The following NRG3 variants were observed in gnomAD, a reference collection of about 807,000 sequenced individuals.
NRG3 encodes the protein neuregulin 3.
A neutral mutation model predicts 66.9 loss-of-function variants in NRG3; 31 were observed. The ratio of observed to expected loss-of-function variants is 0.46; its 90% CI spans 0.35 to 0.63. NRG3 has a LOEUF of 0.63. Among genes scored for constraint, NRG3 ranks in the 20% least tolerant of loss-of-function variants. The probability of loss-of-function intolerance (pLI) is 0.00; values close to 1 mark genes in which losing one functional copy is unlikely to be tolerated. For synonymous variants in NRG3, 393 were observed against 359.4 expected (o/e 1.09, Z -1.06); for missense variants, 910 against 878.9 (o/e 1.04, Z -0.45).
chr10:82,153,084 C>T (rs913632074), intron 1 of NRG3, among the ~76,000 whole-genome samples: 7 of 152,132 alleles, frequency 4.6e-5, no homozygotes, highest in African/African-American at 9.6e-5. Context: ...TTAAAATCTA[C>T]TCTTTTAGCA....
chr10:82,878,216 C>A (rs1842004903), intron 4 of NRG3, among the ~76,000 whole-genome samples: 1 of 152,180 alleles, frequency 6.6e-6, no homozygotes, highest in Admixed American at 6.5e-5. Flanking sequence ...AGTCCCAGAA[C>A]TGGACAAACT....
At chr10:82,558,608 T>TA (rs59331243) in intron 2 of NRG3, among the ~76,000 whole-genome samples, 19,577 of 152,150 alleles carry the variant, frequency 0.13, 1,416 homozygotes, top group Admixed American at 0.21. Context: ...AAGAATGGGA[T>TA]AAACTATCTG....
chr10:82,139,227 A>G (rs2069590738), intron 1 of NRG3, among the ~76,000 whole-genome samples: 1 of 152,128 alleles, frequency 6.6e-6, no homozygotes, highest in South Asian at 2.1e-4. Flanking sequence ...TTTCTCATTG[A>G]GCAAAATGGT....
intron 1 of NRG3, among the ~76,000 whole-genome samples, chr10:81,916,885 G>T (rs1430544780): frequency 1.3e-5 from 2 of 152,164 alleles, no homozygotes; most frequent in African/African-American, 4.8e-5. Flanking sequence ...TACAAAAAAT[G>T]TCATGAAATA....
intron 2 of NRG3, among the ~76,000 whole-genome samples, chr10:82,542,067 T>A (rs984050284): frequency 4.0e-4 from 61 of 152,212 alleles, no homozygotes; most frequent in Non-Finnish European, 7.4e-4. Context: ...ATGCTCTCCC[T>A]CCCCTTTCCC....
At chr10:82,133,114 G>T (rs1195379604) in intron 1 of NRG3, among the ~76,000 whole-genome samples, 1 of 151,218 alleles carries the variant, frequency 6.6e-6, no homozygotes, top group Non-Finnish European at 1.5e-5. Context: ...GATTTTGTTT[G>T]TTCTTGCTTT....
At position 82,442,784 on chromosome 10, in the gene NRG3, A is replaced by ATTTTTTTTTTTTTTTT. The variant is rs61261285; in HGVS notation, c.953+83932_953+83947dup. Among the ~76,000 whole-genome samples, 124 of 54,274 alleles carry ATTTTTTTTTTTTTTTT rather than the reference A, an allele frequency of 2.3e-3. 20 individuals are homozygous for ATTTTTTTTTTTTTTTT. The highest frequency in any genetic ancestry group is 7.6e-3 in the African/African-American group (84 of 11,008). The allele number at this position is 54,274 out of a possible 152,430, so 35.6% of individuals were successfully genotyped here. A position where few individuals can be genotyped will look rare whatever the true frequency, so the allele number is the denominator to read the frequency against. On this transcript the variant is annotated intron_variant, in intron 2 of 8. Transcript: ENST00000372141. ...CACCAAAGATCTTATTTCTGTGTGG[A>ATTTTTTTTTTTTTTTT]TTTTTTTTTTTTTTTTTTTTTTTTT...
At chr10:81,944,381 A>C (rs891772523) in intron 1 of NRG3, among the ~76,000 whole-genome samples, 3 of 152,238 alleles carry the variant, frequency 2.0e-5, no homozygotes, top group Admixed American at 6.6e-5. Flanking sequence ...ATTGCATAAT[A>C]TGCAGTGTCT....
chr10:82,885,074 T>C (rs1274291497), intron 4 of NRG3, among the ~76,000 whole-genome samples: 1 of 152,198 alleles, frequency 6.6e-6, no homozygotes, highest in African/African-American at 2.4e-5. Flanking sequence ...CCTTCTTTTT[T>C]TGGCTTGATG....
chr10:82,758,194 C>T (rs1469286971), intron 3 of NRG3, among the ~76,000 whole-genome samples: 1 of 152,074 alleles, frequency 6.6e-6, no homozygotes, highest in East Asian at 1.9e-4. Context: ...CAGTAACCTC[C>T]CTGAATCTGT....
intron 1 of NRG3, among the ~76,000 whole-genome samples, chr10:82,256,546 T>C (rs1477229830): frequency 6.6e-6 from 1 of 152,156 alleles, no homozygotes; most frequent in Non-Finnish European, 1.5e-5. Context: ...CCTCTTTCTC[T>C]ACCTCTGTGT....
At chr10:82,164,699 A>G (rs910722407) in intron 1 of NRG3, among the ~76,000 whole-genome samples, 3 of 152,194 alleles carry the variant, frequency 2.0e-5, no homozygotes, top group Non-Finnish European at 4.4e-5. Context: ...AGTGAGAGGT[A>G]AGAAAAGAAA....
At chr10:81,895,930 G>C (rs527605436) in intron 1 of NRG3, among the ~76,000 whole-genome samples, 1 of 152,044 alleles carries the variant, frequency 6.6e-6, no homozygotes. Flanking sequence ...TGGGAACTGG[G>C]GGCACATTGA....
intron 3 of NRG3, among the ~76,000 whole-genome samples, chr10:82,770,913 A>T (rs2059691651): frequency 6.6e-6 from 1 of 152,200 alleles, no homozygotes; most frequent in Non-Finnish European, 1.5e-5. Flanking sequence ...GAGAAAAAAT[A>T]AACAGGCAGC....
chr10:82,879,564 C>G (rs1244376544), intron 4 of NRG3, among the ~76,000 whole-genome samples: 1 of 151,586 alleles, frequency 6.6e-6, no homozygotes, highest in African/African-American at 2.4e-5. Context: ...GCTCCACCTC[C>G]CGGCTTCACG....
At chr10:82,639,387 A>G (rs994893660) in intron 2 of NRG3, among the ~76,000 whole-genome samples, 6 of 152,206 alleles carry the variant, frequency 3.9e-5, no homozygotes, top group Non-Finnish European at 2.9e-5. Context: ...TCCACCTTTT[A>G]ATACCACCAC....
At chr10:81,965,431 G>T (rs1589621681) in intron 1 of NRG3, among the ~76,000 whole-genome samples, 1 of 152,002 alleles carries the variant, frequency 6.6e-6, no homozygotes, top group East Asian at 1.9e-4. Context: ...TTCTTTTGTA[G>T]ATTTAATATA....
chr10:82,415,858 G>A (rs1564896515), intron 2 of NRG3, among the ~76,000 whole-genome samples: 1 of 152,208 alleles, frequency 6.6e-6, no homozygotes, highest in East Asian at 1.9e-4. Context: ...GTGATGTAAA[G>A]ATGTTCAGGT....
In NRG3 at chr10:82,906,710, A is replaced by G. The variant is rs533271678; in HGVS notation, c.1054+41273A>G. Among the ~76,000 whole-genome samples the G allele has an allele frequency of 1.8e-4, 28 of 152,184 alleles. No individual in the cohort carries two copies. The South Asian group carries it at 5.6e-3, about 30-fold the overall frequency. On this transcript the variant is annotated intron_variant, in intron 4 of 8. Coordinates refer to ENST00000372141, the MANE Select transcript of NRG3 (RefSeq NM_001010848.4). ...ATATGCTTTCTCGCATTTTTTTAAC[A>G]TAAGGCAATCCATTGAGCAAATCAC...
Sources: allele counts gnomAD v4.1 joint callset (sites outside exome capture counted in the v4.1 genomes callset), GRCh38; gene constraint gnomAD v4.1.1; transcripts MANE v1.5; gene names NCBI Gene and HGNC (gene_info 2026-07-23, HGNC 2026-07-21).